The following WDR90 variants were observed in gnomAD, a reference collection of about 807,000 sequenced individuals.
WDR90 encodes WD repeat domain 90.
A neutral mutation model predicts 195.2 loss-of-function variants in WDR90; 238 were observed. That is an observed-to-expected ratio of 1.22 (90% confidence interval 1.10 to 1.36). WDR90 has a LOEUF of 1.36. WDR90 is among the 40% of genes most tolerant of loss of function. WDR90 has a pLI of 0.00. For missense variants in WDR90, 2,734 were observed against 2,439.5 expected, an observed-to-expected ratio of 1.12 and a Z score of -2.54; for synonymous variants, 1,265 against 1,052.4, an observed-to-expected ratio of 1.20 and a Z score of -3.91.
In WDR90 at chr16:655,219, T is replaced by TC; in HGVS notation, c.1556+77dup. On this transcript the variant is annotated intron_variant, in intron 14 of 40. Coordinates refer to ENST00000293879, the MANE Select transcript of WDR90 (RefSeq NM_145294.5). ...GAGTGGGGGCCGAGGCCCGAGCACC[T>TC]CCCCCTGGCTTGGCTGTGCGTCTCT... 3 of 1,611,802 alleles carry TC rather than the reference T, an allele frequency of 1.9e-6. 1 individual carries two copies. In the South Asian group the frequency reaches 3.3e-5, roughly 18 times the overall value.
rs559512962 is a variant in WDR90 at position 654,829 on chromosome 16, C to T, written c.1438-200C>T. The T allele has an allele frequency of 2.4e-3, 1,405 of 593,078 alleles. 1 individual carries two copies. Among genetic ancestry groups the T allele is most frequent in the Non-Finnish European group, 3.5e-3 (1,152 of 333,522 alleles). 36.7% of individuals were successfully genotyped at this position (593,078 alleles called of 1,614,324 possible). A position where few individuals can be genotyped will look rare whatever the true frequency, so the allele number is the denominator to read the frequency against. On this transcript the variant is annotated intron_variant, in intron 13 of 40. Transcript: ENST00000293879. ...GAATGGGTTGCAGTGCTCAGCATTG[C>T]GGGTCTCTGTAGAAGTCCCAAAGCT...
chr16:664,490 C>T (rs766095493), intron 34 of WDR90, among the ~76,000 whole-genome samples: 4 of 152,150 alleles, frequency 2.6e-5, no homozygotes, highest in African/African-American at 4.8e-5. Context: ...GACCTGAGCC[C>T]GTGGTCACTG....
At chr16:667,390 G>A in intron 40 of WDR90, 42 bp from the exon 41 acceptor site, 1 of 1,561,960 alleles carries the variant, frequency 6.4e-7, no homozygotes, top group Non-Finnish European at 8.7e-7. Flanking sequence ...TCTGAGTGCT[G>A]CCTGGTCCTG....
At chr16:650,931 G>GGGT (rs1215055184) in intron 5 of WDR90, 64 bp from the exon 6 acceptor site, 2 of 1,576,442 alleles carry the variant, frequency 1.3e-6, no homozygotes, top group Non-Finnish European at 1.7e-6. Flanking sequence ...GTGCCTTGGC[G>GGGT]GGTGCCCTGT....
intron 4 of WDR90, 21 bp from the exon 5 acceptor site, chr16:650,518 C>T (rs961429111): frequency 1.3e-6 from 2 of 1,592,580 alleles, no homozygotes; most frequent in Admixed American, 3.4e-5. Context: ...TGGGCGCTGA[C>T]CCTGAGTGCC....
At chr16:652,284 G>A in intron 9 of WDR90, 183 bp from the exon 10 acceptor site, 1 of 823,928 alleles carries the variant, frequency 1.2e-6, no homozygotes, top group Non-Finnish European at 1.9e-6. Flanking sequence ...GACCCTCGAA[G>A]GTCTGGCAGT....
At chr16:657,651 C>T (rs556138614) in intron 20 of WDR90, 111 bp from the exon 21 acceptor site, 28 of 1,378,500 alleles carry the variant, frequency 2.0e-5, no homozygotes, top group African/African-American at 1.5e-4. Flanking sequence ...GTCTGTGCTC[C>T]GGGGCTGGTG....
intron 29 of WDR90, 76 bp from the exon 30 acceptor site, chr16:661,266 G>T: frequency 1.3e-6 from 2 of 1,528,676 alleles, no homozygotes; most frequent in South Asian, 2.5e-5. Flanking sequence ...CACCAAAGAC[G>T]GAGCAGACGG....
At chr16:667,048 G>A in intron 40 of WDR90, 59 bp downstream of exon 40, 1 of 1,517,566 alleles carries the variant, frequency 6.6e-7, no homozygotes, top group Non-Finnish European at 9.0e-7. Flanking sequence ...TGGGCTGACT[G>A]GTGCCCTGTT....
intron 4 of WDR90, 34 bp from the exon 5 acceptor site, chr16:650,505 G>A (rs760726830): frequency 2.5e-6 from 4 of 1,589,482 alleles, no homozygotes; most frequent in Non-Finnish European, 3.4e-6. Context: ...GCTGTCAGGA[G>A]GGTGGGCGCT....
At chr16:657,287 C>G in intron 20 of WDR90, 66 bp downstream of exon 20, 4 of 1,471,196 alleles carry the variant, frequency 2.7e-6, no homozygotes, top group Non-Finnish European at 3.6e-6. Flanking sequence ...CTGGTGCAGG[C>G]CCACACCTGG....
chr16:657,427 C>A lies in WDR90; in HGVS notation c.2473+206C>A, dbSNP rs754108113. The A allele has an allele frequency of 6.7e-6, 6 of 902,140 alleles. No homozygotes were observed. The African/African-American group carries it at 8.4e-5, about 13-fold the overall frequency. The allele number at this position is 902,140 out of a possible 1,614,324, so 55.9% of individuals were successfully genotyped here. The stretch of plus-strand genomic sequence containing the variant: ...TGGACCCCAAGGCCAGAGGTCAGCT[C>A]GGGTCTGTGCCCAGGAGGCGGCAGG... On this transcript the variant is annotated intron_variant, in intron 20 of 40. Transcript: ENST00000293879.
rs139553721 is a variant in WDR90 at position 663,416 on chromosome 16, C to T, written c.4311+572C>T. ...TTGCACCACTGCACTCCAGCCTGGG[C>T]GACAGAGACTCCATCTCAAAGGAAA... On this transcript the variant is annotated intron_variant, in intron 34 of 40. Coordinates refer to ENST00000293879, the MANE Select transcript of WDR90 (RefSeq NM_145294.5). 1,218 of 155,672 alleles carry T rather than the reference C, an allele frequency of 7.8e-3. 16 individuals are homozygous for T. The highest frequency in any genetic ancestry group is 0.072 in the African/African-American group (1,146 of 15,926). 9.6% of individuals were successfully genotyped at this position (155,672 alleles called of 1,614,324 possible).
chr16:654,919 G>C, intron 13 of WDR90, 110 bp from the exon 14 acceptor site: 2 of 987,564 alleles, frequency 2.0e-6, no homozygotes, highest in Non-Finnish European at 3.1e-6. Flanking sequence ...TCAGAGGCTG[G>C]TCTCCGCATG....
rs1281123830 is a variant in WDR90 at position 650,033 on chromosome 16, GTC to G, written c.149_150del (p.Ser50CysfsTer9). On this transcript the variant is annotated frameshift_variant, in exon 3 of 41. Transcript: ENST00000293879. LOFTEE classifies it high-confidence loss of function. ...CGCCGTGTATCGCATTCGGGGCTCA[GTC>G]TCTGCCGCCAACTACATCCAGCTCC... is the stretch of plus-strand genomic sequence containing the variant. ...KGAVYRIRGS[V>X]SAANYIQLPK... 37 of 1,612,736 alleles carry G rather than the reference GTC, an allele frequency of 2.3e-5. No individual in the cohort carries two copies. Among genetic ancestry groups the G allele is most frequent in the Non-Finnish European group, 2.9e-5 (34 of 1,179,990 alleles).
At chr16:655,239 G>T (rs554982977) in intron 14 of WDR90, 68 bp from the exon 15 acceptor site, 1 of 1,611,874 alleles carries the variant, frequency 6.2e-7, no homozygotes, top group Admixed American at 1.7e-5. Context: ...TTGGCTGTGC[G>T]TCTCTGCGTC....
rs2037687105 is a variant in WDR90, at chr16:653,567, T to C, written c.1276T>C (p.Ser426Pro). Residue 426 changes from serine (S) to proline (P), a missense_variant, in exon 12 of 41, where the codon TCG becomes CCG. Physicochemically the swap from Ser to Pro is moderately conservative, Grantham distance 74 (BLOSUM62 -1). Transcript: ENST00000293879. ...GGATGGCAGCAGCTCACTATTGGCC[T>C]CGGCCCAGGCAAGGGCCCCTAGTGT... ...ALDGSSSLLA[S>P]AQARAPSVMR... The C allele has an allele frequency of 6.2e-7, 1 of 1,613,540 alleles. No individual in the cohort carries two copies. Among genetic ancestry groups the C allele is most frequent in the African/African-American group, 1.3e-5 (1 of 75,070 alleles).
At chr16:649,535 TC>T in intron 1 of WDR90, 109 bp downstream of exon 1, 2 of 1,251,202 alleles carry the variant, frequency 1.6e-6, no homozygotes, top group East Asian at 3.2e-5. Context: ...GAGGCCAGAG[TC>T]CCCGCTCAGG....
rs2038017119 is a variant in WDR90, at chr16:665,954, G to A, written c.4439G>A (p.Cys1480Tyr). 3 of 1,585,740 alleles carry A rather than the reference G, an allele frequency of 1.9e-6. No homozygotes were observed. The highest frequency in any genetic ancestry group is 2.6e-6 in the Non-Finnish European group (3 of 1,167,122). Residue 1480 changes from cysteine to tyrosine, a missense_variant, in exon 36 of 41, where the codon TGC becomes TAC. Transcript: ENST00000293879. ...TTCCCCACTGTGGGTCCCCAGAGCT[G>A]CCTCTGCCTGGCATGGAGCCCCCCG... ...VIQFQVLNQSCLCLAWSPPCC... is the reference protein window; with the variant it reads ...VIQFQVLNQSYLCLAWSPPCC...
Sources: gnomAD v4.1 joint callset for allele counts (sites outside exome capture counted in the v4.1 genomes callset) on GRCh38, gnomAD v4.1.1 for gene constraint, MANE v1.5 for transcripts, NCBI Gene and HGNC (gene_info 2026-07-23, HGNC 2026-07-21) for gene names.